GPHN: variants seen among roughly 807,000 people sequenced by gnomAD.
The protein encoded by GPHN is gephyrin.
Under a neutral mutation model 95.5 loss-of-function variants are expected in GPHN, and 17 were observed. That is an observed-to-expected ratio of 0.18 (90% CI 0.12 to 0.27). GPHN has a LOEUF of 0.27. Among genes scored for constraint, GPHN ranks in the 10% least tolerant of loss-of-function variants. GPHN has a pLI of 1.00. For missense variants in GPHN, 660 were observed against 978.1 expected, an observed-to-expected ratio of 0.67 and a Z score of 4.34; for synonymous variants, 320 against 322.5, an observed-to-expected ratio of 0.99 and a Z score of 0.08.
chr14:66,859,769 A>G (rs2062953200), intron 4 of GPHN, among the ~76,000 whole-genome samples: 1 of 152,222 alleles, frequency 6.6e-6, no homozygotes, highest in South Asian at 2.1e-4. Context: ...AACTTAGCAA[A>G]GAGATTGAAA....
At chr14:67,502,221 C>T in the GPHN span, among the ~76,000 whole-genome samples, 10,925 of 151,790 alleles carry the variant, frequency 0.072, 483 homozygotes, top group East Asian at 0.15. Context: ...GTCCCAGCTA[C>T]TCGGGAGGCT....
intron 5 of GPHN, among the ~76,000 whole-genome samples, chr14:66,901,828 A>AT (rs1454036256): frequency 4.6e-5 from 7 of 151,584 alleles, no homozygotes. Flanking sequence ...TCCAGCTTTG[A>AT]TTTTTTTGCT....
chr14:66,945,552 G>A (rs746006693), intron 8 of GPHN, among the ~76,000 whole-genome samples: 6 of 152,018 alleles, frequency 3.9e-5, no homozygotes, highest in East Asian at 1.9e-4. Context: ...TGGGTACACC[G>A]GAATCTCAGA....
chr14:67,473,433 A>G, the GPHN span: 1 of 1,614,006 alleles, frequency 6.2e-7, no homozygotes, highest in Non-Finnish European at 8.5e-7. The surrounding 1 kb of genome is among the most constrained non-coding windows in gnomAD (Gnocchi z 6.5). Flanking sequence ...GTCAGTCTTG[A>G]CATGGCCGTT....
intron 9 of GPHN, among the ~76,000 whole-genome samples, chr14:67,006,063 T>C (rs2072586918): frequency 8.0e-6 from 1 of 124,324 alleles, no homozygotes; most frequent in African/African-American, 4.6e-5. Flanking sequence ...ATTACCATAG[T>C]TTTTCTTCTT....
chr14:67,174,044 CT>C, intron 21 of GPHN, among the ~76,000 whole-genome samples: 1 of 152,260 alleles, frequency 6.6e-6, no homozygotes, highest in East Asian at 1.9e-4. Flanking sequence ...TGAAGAAGGC[CT>C]GTAAGACTTA....
the GPHN span, chr14:67,674,796 C>T: frequency 3.9e-6 from 1 of 258,542 alleles, no homozygotes; most frequent in Non-Finnish European, 7.3e-6. Context: ...CCGAGAAGTG[C>T]CGGGTCCGGG....
intron 5 of GPHN, among the ~76,000 whole-genome samples, chr14:66,904,222 A>G (rs2065257781): frequency 6.6e-6 from 1 of 152,040 alleles, no homozygotes; most frequent in South Asian, 2.1e-4. Flanking sequence ...ATTTATTGTG[A>G]AGAGTATAAG....
the GPHN span, among the ~76,000 whole-genome samples, chr14:67,434,763 T>C: frequency 5.3e-5 from 8 of 152,126 alleles, no homozygotes; most frequent in Admixed American, 4.6e-4. Flanking sequence ...TAACAGAATA[T>C]CTGAAACGGG....
the GPHN span, among the ~76,000 whole-genome samples, chr14:67,404,164 G>A: frequency 6.6e-6 from 1 of 152,122 alleles, no homozygotes; most frequent in Non-Finnish European, 1.5e-5. Flanking sequence ...AATATATATG[G>A]TAACAACATA....
At chr14:66,901,931 A>C (rs535101416) in intron 5 of GPHN, among the ~76,000 whole-genome samples, 1 of 152,150 alleles carries the variant, frequency 6.6e-6, no homozygotes, top group Admixed American at 6.6e-5. Context: ...TGATATTTTG[A>C]TAGAGATTCC....
intron 11 of GPHN, among the ~76,000 whole-genome samples, chr14:67,067,864 C>T (rs1216713070): frequency 6.6e-6 from 1 of 152,238 alleles, no homozygotes; most frequent in African/African-American, 2.4e-5. Context: ...TCTGTCACGG[C>T]TTCCCTTGGC....
At chr14:67,130,497 T>A (rs72715386) in intron 17 of GPHN, among the ~76,000 whole-genome samples, 8,291 of 151,656 alleles carry the variant, frequency 0.055, 236 homozygotes, top group Middle Eastern at 0.068. Context: ...TATGCACCAC[T>A]TTTTTTTTAT....
chr14:67,665,950 G>C, the GPHN span, among the ~76,000 whole-genome samples: 2 of 152,160 alleles, frequency 1.3e-5, no homozygotes, highest in South Asian at 4.1e-4. Context: ...AGCTATTACT[G>C]TTCCTGAGGG....
At chr14:66,659,138 A>G (rs577814871) in intron 1 of GPHN, among the ~76,000 whole-genome samples, 23 of 151,624 alleles carry the variant, frequency 1.5e-4, no homozygotes, top group Non-Finnish European at 2.1e-4. Flanking sequence ...TCTTATTTTC[A>G]TATTTTTTTT....
At chr14:67,661,888 G>A in the GPHN span, among the ~76,000 whole-genome samples, 558 of 152,218 alleles carry the variant, frequency 3.7e-3, 1 homozygote, top group Non-Finnish European at 6.4e-3. Flanking sequence ...AGGCACGGTG[G>A]CTCATGCCTT....
chr14:67,469,170 G>A, the GPHN span, among the ~76,000 whole-genome samples: 1 of 152,220 alleles, frequency 6.6e-6, no homozygotes, highest in Non-Finnish European at 1.5e-5. Context: ...AAGTGAGGGA[G>A]GCAGAGGGCC....
intron 3 of GPHN, among the ~76,000 whole-genome samples, chr14:66,804,173 A>G (rs1362006207): frequency 6.6e-6 from 1 of 152,190 alleles, no homozygotes; most frequent in Non-Finnish European, 1.5e-5. Context: ...GAAATCAATT[A>G]CTACAATCCC....
At chr14:66,927,375 T>C (rs1048610929) in intron 8 of GPHN, among the ~76,000 whole-genome samples, 1 of 151,884 alleles carries the variant, frequency 6.6e-6, no homozygotes, top group Non-Finnish European at 1.5e-5. Context: ...GATATGCTAC[T>C]AATTTTTGTT....
Sources: allele counts gnomAD v4.1 joint callset (sites outside exome capture counted in the v4.1 genomes callset), GRCh38; gene constraint gnomAD v4.1.1; non-coding constraint Gnocchi (gnomAD v3.1); transcripts MANE v1.5; gene names NCBI Gene and HGNC (gene_info 2026-07-23, HGNC 2026-07-21).